SLC7A11: variants seen among roughly 807,000 people sequenced by gnomAD.
The protein encoded by SLC7A11 is cystine/glutamate transporter.
In SLC7A11, 35 loss-of-function variants were observed where a neutral mutation model predicts 54.5. The ratio of observed to expected loss-of-function variants is 0.64; its 90% confidence interval spans 0.49 to 0.85. The LOEUF is 0.85. Ranked by LOEUF, SLC7A11 falls within the 40% of genes least tolerant of loss-of-function variation. SLC7A11 has a pLI of 0.00. For missense variants in SLC7A11, 583 were observed against 618.1 expected, an observed-to-expected ratio of 0.94 and a Z score of 0.60; for synonymous variants, 230 against 225.2, an observed-to-expected ratio of 1.02 and a Z score of -0.19.
rs897267875 is a variant in SLC7A11 at position 138,236,422 on chromosome 4, T to C, written c.307A>G (p.Thr103Ala). The C allele has an allele frequency of 8.1e-6, 13 of 1,611,832 alleles. No individual in the cohort carries two copies. In the Admixed American group the frequency reaches 1.0e-4, roughly 12 times the overall value. Reference protein sequence around the residue: ...GALSYAELGTTIKKSGGHYTY... With the variant: ...GALSYAELGTAIKKSGGHYTY... ...TAATGACCTCCAGATTTCTTTATAG[T>C]TGTTCCCAATTCAGCATAAGACAAA... The change falls in exon 2 of 12, where the codon ACT (threonine) becomes GCT (alanine). Residue 103 changes from threonine (T) to alanine (A), a missense_variant. Physicochemically the swap from Thr to Ala is moderately conservative, Grantham distance 58 (BLOSUM62 0). Coordinates refer to ENST00000280612, the MANE Select transcript of SLC7A11 (RefSeq NM_014331.4).
rs191846488 is a variant in SLC7A11 at position 138,219,389 on chromosome 4, T to C, written c.647-24A>G. 5.6e-5 allele frequency: 79 copies of C among 1,400,100 alleles called. No homozygotes were observed. The East Asian group carries it at 1.1e-3, about 19-fold the overall frequency. 86.7% of individuals were successfully genotyped at this position (1,400,100 alleles called of 1,614,324 possible). On this transcript the variant is annotated intron_variant, in intron 4 of 11. Coordinates refer to ENST00000280612, the MANE Select transcript of SLC7A11 (RefSeq NM_014331.4). ...ACCTGTAATTAGAATAGACTGATTT[T>C]AGGATTTTTCAAAGAATTGGTTCTT...
intron 2 of SLC7A11, among the ~76,000 whole-genome samples, chr4:138,236,017 T>G (rs1259441892): frequency 1.3e-5 from 2 of 152,184 alleles, no homozygotes; most frequent in Non-Finnish European, 2.9e-5. Context: ...CAGGTGAATT[T>G]TCATGTTCAT....
chr4:138,206,700 T>G (rs1737415615), intron 6 of SLC7A11, among the ~76,000 whole-genome samples: 1 of 151,812 alleles, frequency 6.6e-6, no homozygotes, highest in Non-Finnish European at 1.5e-5. Context: ...ACAAACTATC[T>G]TTGGGCAAAA....
intron 6 of SLC7A11, among the ~76,000 whole-genome samples, chr4:138,203,165 C>T (rs941325796): frequency 2.0e-5 from 3 of 152,068 alleles, no homozygotes; most frequent in African/African-American, 7.2e-5. Flanking sequence ...TGCTTCCCTA[C>T]ATTTGTTCTC....
rs1472072267 is a variant in SLC7A11, at chr4:138,170,246, G to A, written c.*1710C>T. The A allele has an allele frequency of 1.2e-4, 10 of 82,852 alleles. No individual in the cohort carries two copies. Among genetic ancestry groups the A allele is most frequent in the African/African-American group, 2.1e-4 (5 of 23,314 alleles). 5.1% of individuals were successfully genotyped at this position (82,852 alleles called of 1,614,324 possible). A position where few individuals can be genotyped will look rare whatever the true frequency, so the allele number is the denominator to read the frequency against. On this transcript the variant is annotated 3_prime_UTR_variant, in exon 12 of 12. Coordinates refer to ENST00000280612, the MANE Select transcript of SLC7A11 (RefSeq NM_014331.4). ...ATATATATAAAAAGTGTGTGTGTGTGTGTGTATATATATATATATATATAT... is the reference window on the plus strand; with the variant it reads ...ATATATATAAAAAGTGTGTGTGTGTATGTGTATATATATATATATATATAT...
At chr4:138,223,629 A>T (rs1195376989) in intron 3 of SLC7A11, among the ~76,000 whole-genome samples, 1 of 152,174 alleles carries the variant, frequency 6.6e-6, no homozygotes, top group Non-Finnish European at 1.5e-5. Context: ...GTACTCTAAC[A>T]ATCACATAAA....
At chr4:138,237,731 A>ATTTTTTTTTTTT (rs1738263249) in intron 1 of SLC7A11, among the ~76,000 whole-genome samples, 1 of 10,652 alleles carries the variant, frequency 9.4e-5, no homozygotes, top group Non-Finnish European at 1.6e-4. Flanking sequence ...ATATATATAT[A>ATTTTTTTTTTTT]TATATATTTT....
intron 11 of SLC7A11, chr4:138,174,564 A>C (rs1373955613): frequency 1.3e-5 from 2 of 152,176 alleles, no homozygotes; most frequent in Admixed American, 1.3e-4. Flanking sequence ...TTCTCCTTCT[A>C]GATTATCTTA....
At chr4:138,234,829 T>C (rs1311698110) in intron 2 of SLC7A11, among the ~76,000 whole-genome samples, 1 of 152,212 alleles carries the variant, frequency 6.6e-6, no homozygotes, top group Non-Finnish European at 1.5e-5. Flanking sequence ...CAAGTCCAAC[T>C]GTATTAAGCT....
chr4:138,235,946 T>C (rs1164259375), intron 2 of SLC7A11, among the ~76,000 whole-genome samples: 8 of 152,204 alleles, frequency 5.3e-5, no homozygotes, highest in African/African-American at 1.9e-4. Flanking sequence ...GCCTTAATGA[T>C]ATAATCTACA....
intron 1 of SLC7A11, among the ~76,000 whole-genome samples, chr4:138,241,157 T>C (rs1738368071): frequency 1.3e-5 from 2 of 152,088 alleles, no homozygotes; most frequent in South Asian, 4.1e-4. Context: ...TGAGAAGAGA[T>C]GAAAGGTTGA....
chr4:138,216,012 A>G lies in SLC7A11; in HGVS notation c.747-1383T>C, dbSNP rs576902551. The stretch of plus-strand genomic sequence containing the variant: ...GGCTTGGAGCAGGATGGTGAGTAGG[A>G]AGGAGAAAGCTTCTTGTTTTAGTCC... On this transcript the variant is annotated intron_variant, in intron 5 of 11. Transcript: ENST00000280612. 2.5e-4 allele frequency among the ~76,000 whole-genome samples: 38 copies of G among 152,294 alleles called. No homozygotes were observed. The South Asian group carries it at 3.1e-3, about 12-fold the overall frequency.
intron 3 of SLC7A11, among the ~76,000 whole-genome samples, chr4:138,231,234 G>A (rs778005620): frequency 2.0e-5 from 3 of 151,948 alleles, no homozygotes; most frequent in Admixed American, 6.6e-5. Flanking sequence ...TAATATCTAC[G>A]ATGTACACTA....
chr4:138,211,580 T>A (rs7696571), intron 6 of SLC7A11, among the ~76,000 whole-genome samples: 136,023 of 151,838 alleles, frequency 0.9, 62,068 homozygotes, highest in Non-Finnish European at 0.98. Context: ...AGATACCTGC[T>A]TTCTCATGTT....
chr4:138,242,102 G>A lies in SLC7A11; in HGVS notation c.-33C>T. 6.2e-7 allele frequency: 1 copy of A among 1,602,770 alleles called. No homozygotes were observed. The highest frequency in any genetic ancestry group is 8.5e-7 in the Non-Finnish European group (1 of 1,173,884). The stretch of plus-strand genomic sequence containing the variant: ...ACACACGGGGGAAAAATAAAACAGA[G>A]GGAAAGAAAACAAAACTTTCAACTT... On this transcript the variant is annotated 5_prime_UTR_variant, in exon 1 of 12. Coordinates refer to ENST00000280612, the MANE Select transcript of SLC7A11 (RefSeq NM_014331.4).
At chr4:138,214,714 C>A in intron 5 of SLC7A11, 85 bp from the exon 6 acceptor site, 2 of 442,188 alleles carry the variant, frequency 4.5e-6, no homozygotes, top group South Asian at 4.4e-5. Flanking sequence ...AACATTGAAC[C>A]CAGAATTATG....
chr4:138,222,655 A>G (rs189831685), intron 4 of SLC7A11, among the ~76,000 whole-genome samples: 1,730 of 152,340 alleles, frequency 0.011, 24 homozygotes, highest in South Asian at 0.055. Context: ...TAATGTAACA[A>G]TAAAAATTAA....
chr4:138,183,732 T>A (rs1736805551), intron 7 of SLC7A11, among the ~76,000 whole-genome samples: 1 of 152,144 alleles, frequency 6.6e-6, no homozygotes, highest in African/African-American at 2.4e-5. Flanking sequence ...ATTACAGATA[T>A]GTGTTTCATA....
At chr4:138,207,217 T>C (rs1243486425) in intron 6 of SLC7A11, among the ~76,000 whole-genome samples, 2 of 152,082 alleles carry the variant, frequency 1.3e-5, no homozygotes, top group Non-Finnish European at 2.9e-5. Context: ...GTAGAAACTT[T>C]GGAAATATTC....
Sources: gnomAD v4.1 joint callset for allele counts (sites outside exome capture counted in the v4.1 genomes callset) on GRCh38, gnomAD v4.1.1 for gene constraint, MANE v1.5 for transcripts, NCBI Gene and HGNC (gene_info 2026-07-23, HGNC 2026-07-21) for gene names.